ADAM23: variants seen among roughly 807,000 people sequenced by gnomAD.
ADAM23 encodes the protein ADAM metallopeptidase domain 23.
ADAM23 carries 33 observed loss-of-function variants against 120.1 expected under a neutral mutation model. The observed-to-expected ratio is 0.27, with a 90% CI of 0.21 to 0.37. ADAM23 has a LOEUF of 0.37. Ranked by LOEUF, ADAM23 falls within the 10% of genes least tolerant of loss-of-function variation. The pLI is 1.00. For missense variants in ADAM23, 862 were observed against 1,058.2 expected, an observed-to-expected ratio of 0.81 and a Z score of 2.57; for synonymous variants, 367 against 375.2, an observed-to-expected ratio of 0.98 and a Z score of 0.25.
intron 3 of ADAM23, among the ~76,000 whole-genome samples, chr2:206,518,847 A>G (rs2105788464): frequency 1.3e-5 from 2 of 152,310 alleles, no homozygotes; most frequent in South Asian, 4.1e-4. Flanking sequence ...GCACCTTCTG[A>G]AAAAGATGGG....
intron 18 of ADAM23, among the ~76,000 whole-genome samples, chr2:206,574,764 T>A (rs1421468905): frequency 6.6e-6 from 1 of 152,212 alleles, no homozygotes; most frequent in Non-Finnish European, 1.5e-5. Flanking sequence ...TTTGGCATGA[T>A]CTTCTTCCCA....
chr2:206,473,789 G>T (rs183437616), intron 2 of ADAM23, among the ~76,000 whole-genome samples: 1 of 151,660 alleles, frequency 6.6e-6, no homozygotes, highest in Admixed American at 6.6e-5. Flanking sequence ...CGGGTGAATT[G>T]TTGAGCCTAG....
chr2:206,477,919 T>TATATATATAA (rs995495184), intron 2 of ADAM23, among the ~76,000 whole-genome samples: 1 of 139,452 alleles, frequency 7.2e-6, no homozygotes, highest in Non-Finnish European at 1.5e-5. Context: ...TATATATATA[T>TATATATATAA]ATAAAACAAC....
chr2:206,599,990 A>G (rs1205979361), intron 24 of ADAM23, among the ~76,000 whole-genome samples: 1 of 152,224 alleles, frequency 6.6e-6, no homozygotes, highest in Non-Finnish European at 1.5e-5. Flanking sequence ...TCACAAGGTC[A>G]GGAGATCGAG....
At chr2:206,541,885 A>G (rs961979869) in intron 4 of ADAM23, among the ~76,000 whole-genome samples, 167 bp from the exon 5 acceptor site, 6 of 152,186 alleles carry the variant, frequency 3.9e-5, no homozygotes, top group Non-Finnish European at 5.9e-5. Context: ...AAAAAAGTTG[A>G]AAAATTGCCT....
At chr2:206,528,130 G>A (rs1228270125) in intron 3 of ADAM23, among the ~76,000 whole-genome samples, 1 of 152,200 alleles carries the variant, frequency 6.6e-6, no homozygotes, top group Non-Finnish European at 1.5e-5. Flanking sequence ...GGTTGAAAAT[G>A]TTGAAAATAG....
Position 206,570,741 on chromosome 2 carries a change from T to G in ADAM23, c.1496T>G (p.Leu499Arg). 6.2e-7 allele frequency: 1 copy of G among 1,613,740 alleles called. No individual in the cohort carries two copies. The highest frequency in any genetic ancestry group is 1.1e-5 in the South Asian group (1 of 91,080). ...CCCTTCTGTCCCTAATCTCTTTAGC[T>G]ATTTGAGCCCACGGAATGTGGAAAT... ...GACLFNRPTK[L>R]FEPTECGNGY... The change falls in exon 16 of 26, where the codon CTA becomes CGA. Residue 499 changes from leucine (L) to arginine (R), a missense_variant and splice_region_variant. Transcript: ENST00000264377.
At chr2:206,527,341 T>C (rs1047222253) in intron 3 of ADAM23, among the ~76,000 whole-genome samples, 3 of 152,204 alleles carry the variant, frequency 2.0e-5, no homozygotes, top group Non-Finnish European at 4.4e-5. Flanking sequence ...CAACTCATCT[T>C]CAGGCATGTG....
chr2:206,564,976 T>C (rs1434299057), intron 13 of ADAM23, 44 bp from the exon 14 acceptor site: 4 of 1,607,434 alleles, frequency 2.5e-6, no homozygotes, highest in Non-Finnish European at 3.4e-6. Context: ...TGACTTTCTT[T>C]GTTTCCTTTT....
At chr2:206,556,934 G>A (rs767522067) in intron 9 of ADAM23, among the ~76,000 whole-genome samples, 14 of 152,140 alleles carry the variant, frequency 9.2e-5, no homozygotes, top group Non-Finnish European at 8.8e-5. Context: ...GGGTTAAGCC[G>A]TTTGTATAAG....
intron 15 of ADAM23, among the ~76,000 whole-genome samples, chr2:206,570,297 A>G (rs1392260604): frequency 6.6e-6 from 1 of 152,214 alleles, no homozygotes; most frequent in African/African-American, 2.4e-5. Flanking sequence ...TGTACATATC[A>G]CATTTGGCTA....
In ADAM23 at chr2:206,620,186, A is replaced by C. The variant is rs567392892; in HGVS notation, c.*2559A>C. On this transcript the variant is annotated 3_prime_UTR_variant, in exon 26 of 26. Transcript: ENST00000264377. ...ATTAAATCTCTATTGTTAACTTTTA[A>C]GCATTTCACAAACAACATTGTAAAT... 1 of 152,318 alleles carries C rather than the reference A, an allele frequency of 6.6e-6. No homozygotes were observed. The highest frequency in any genetic ancestry group is 2.1e-4 in the South Asian group (1 of 4,824). 9.4% of individuals were successfully genotyped at this position (152,318 alleles called of 1,614,324 possible).
At chr2:206,495,117 G>C (rs1486560422) in intron 3 of ADAM23, among the ~76,000 whole-genome samples, 2 of 152,164 alleles carry the variant, frequency 1.3e-5, no homozygotes, top group Non-Finnish European at 2.9e-5. Context: ...TAGCAAGGCA[G>C]GCCAACATTC....
At chr2:206,444,774 G>A (rs1227963382) in intron 1 of ADAM23, among the ~76,000 whole-genome samples, 1 of 152,002 alleles carries the variant, frequency 6.6e-6, no homozygotes, top group Non-Finnish European at 1.5e-5. Context: ...TCATCTTAAA[G>A]TTAAAAGAGA....
chr2:206,447,887 A>C (rs976373693), intron 2 of ADAM23, among the ~76,000 whole-genome samples: 1 of 152,214 alleles, frequency 6.6e-6, no homozygotes, highest in Non-Finnish European at 1.5e-5. Flanking sequence ...TCCCAAATAT[A>C]GGTTGCAAGG....
chr2:206,519,992 G>A (rs897915762), intron 3 of ADAM23, among the ~76,000 whole-genome samples: 2 of 152,072 alleles, frequency 1.3e-5, no homozygotes, highest in African/African-American at 2.4e-5. Context: ...TCTAGCCTGG[G>A]TAACAGAGCA....
At chr2:206,467,197 A>T (rs962947750) in intron 2 of ADAM23, among the ~76,000 whole-genome samples, 3 of 152,208 alleles carry the variant, frequency 2.0e-5, no homozygotes, top group Admixed American at 6.5e-5. Flanking sequence ...TGCAAAATCC[A>T]GTCATGCCTT....
intron 2 of ADAM23, among the ~76,000 whole-genome samples, chr2:206,456,632 T>G (rs1360507194): frequency 6.6e-6 from 1 of 152,126 alleles, no homozygotes; most frequent in Non-Finnish European, 1.5e-5. Flanking sequence ...ATTATATAGC[T>G]GGGCACACTC....
At chr2:206,531,978 G>C (rs1467278648) in intron 4 of ADAM23, among the ~76,000 whole-genome samples, 1 of 152,172 alleles carries the variant, frequency 6.6e-6, no homozygotes, top group African/African-American at 2.4e-5. Flanking sequence ...GTAATTGGAC[G>C]TGTTTTCCAG....
Sources: allele counts gnomAD v4.1 joint callset (sites outside exome capture counted in the v4.1 genomes callset), GRCh38; gene constraint gnomAD v4.1.1; transcripts MANE v1.5; gene names NCBI Gene and HGNC (gene_info 2026-07-23, HGNC 2026-07-21).